The following ZNF709 variants were observed in gnomAD, a reference collection of about 807,000 sequenced individuals.
ZNF709 encodes the protein zinc finger protein 709.
Under a neutral mutation model 10.6 loss-of-function variants are expected in ZNF709, and 15 were observed. The ratio of observed to expected loss-of-function variants is 1.41; its 90% CI spans 0.95 to 2.18. The LOEUF (loss-of-function observed/expected upper bound fraction) is 2.18. ZNF709 is among the 30% of genes most tolerant of loss of function. The pLI is 0.00. For missense variants in ZNF709, 589 were observed against 774.0 expected (o/e 0.76, Z 2.84); for synonymous variants, 194 against 238.8 (o/e 0.81, Z 1.73).
intron 1 of ZNF709, among the ~76,000 whole-genome samples, chr19:12,481,533 C>A (rs1970726956): frequency 6.6e-6 from 1 of 152,196 alleles, no homozygotes; most frequent in Non-Finnish European, 1.5e-5. Context: ...AGCCACCACA[C>A]CCGGCCTGGT....
rs1568244609 is a variant in ZNF709 at position 12,463,092 on chromosome 19, T to G, written c.*904A>C. ...TTAATTTGCATCAGGCTTTCCCATA[T>G]TATCTACATTTATACAGTACCTCCC... On this transcript the variant is annotated 3_prime_UTR_variant, in exon 4 of 4. Transcript: ENST00000397732. 1 of 152,244 alleles carries G rather than the reference T, an allele frequency of 6.6e-6. No homozygotes were observed. 9.4% of individuals were successfully genotyped at this position (152,244 alleles called of 1,614,324 possible).
intron 1 of ZNF709, among the ~76,000 whole-genome samples, chr19:12,477,418 GT>G (rs1209035657): frequency 6.6e-6 from 1 of 152,156 alleles, no homozygotes; most frequent in Non-Finnish European, 1.5e-5. Flanking sequence ...TGACTCACTG[GT>G]TTAGAGTTTA....
At chr19:12,474,133 T>C (rs966443320) in intron 1 of ZNF709, among the ~76,000 whole-genome samples, 2 of 152,240 alleles carry the variant, frequency 1.3e-5, no homozygotes, top group African/African-American at 4.8e-5. Flanking sequence ...CTATGCCATA[T>C]AGTAGATCTT....
chr19:12,482,840 A>AT (rs886933969), intron 1 of ZNF709, among the ~76,000 whole-genome samples: 2 of 152,202 alleles, frequency 1.3e-5, no homozygotes, highest in African/African-American at 4.8e-5. Context: ...TGGGCCTTCG[A>AT]TTACATCCCT....
Position 12,465,433 on chromosome 19 carries a change from AGT to A in ZNF709, c.487_488del (p.Thr163TrpfsTer6). 1.2e-6 allele frequency: 2 copies of A among 1,613,064 alleles called. No individual in the cohort carries two copies. The highest frequency in any genetic ancestry group is 1.7e-6 in the Non-Finnish European group (2 of 1,179,608). ...SSFRIHERTHTGEKPYKCKQC... is the reference protein window; with the variant it reads ...SSFRIHERTHXGEKPYKCKQC... The stretch of plus-strand genomic sequence containing the variant: ...GTTTACATTTATAGGGTTTCTCTCC[AGT>A]GTGAGTTCTTTCATGTATTCGAAAT... On this transcript the variant is annotated frameshift_variant, in exon 4 of 4. Transcript: ENST00000397732. LOFTEE classifies it low-confidence loss of function (END_TRUNC).
At chr19:12,478,878 C>T (rs912612867) in intron 1 of ZNF709, among the ~76,000 whole-genome samples, 1 of 152,200 alleles carries the variant, frequency 6.6e-6, no homozygotes, top group Non-Finnish European at 1.5e-5. Flanking sequence ...AAGGGTGACG[C>T]TTATGATGTG....
chr19:12,476,028 A>G (rs2145002580), intron 1 of ZNF709, among the ~76,000 whole-genome samples: 1 of 152,360 alleles, frequency 6.6e-6, no homozygotes, highest in East Asian at 1.9e-4. Flanking sequence ...ACACAATGAA[A>G]AAAACACAAA....
rs1414899927 is a variant in ZNF709, at chr19:12,462,016, G to A, written c.*1980C>T. 2 of 152,168 alleles carry A rather than the reference G, an allele frequency of 1.3e-5. No homozygotes were observed. The highest frequency in any genetic ancestry group is 1.5e-5 in the Non-Finnish European group (1 of 68,116). The allele number at this position is 152,168 out of a possible 1,614,324, so 9.4% of individuals were successfully genotyped here. On this transcript the variant is annotated 3_prime_UTR_variant, in exon 4 of 4. Transcript: ENST00000397732. ...GAACCCAGAAGGCAGAGGTTGCAGT[G>A]AGCCAAGATCGTACCACTGCACTCC...
intron 1 of ZNF709, among the ~76,000 whole-genome samples, chr19:12,478,845 T>C (rs1028949074): frequency 1.3e-5 from 2 of 152,148 alleles, no homozygotes; most frequent in Non-Finnish European, 2.9e-5. Context: ...CTTGCCCAGG[T>C]GTGCAGCACG....
At chr19:12,479,926 G>A (rs1431150272) in intron 1 of ZNF709, among the ~76,000 whole-genome samples, 1 of 151,988 alleles carries the variant, frequency 6.6e-6, no homozygotes, top group African/African-American at 2.4e-5. Context: ...ATTTTGGTAA[G>A]CCAAGTTGAG....
intron 1 of ZNF709, among the ~76,000 whole-genome samples, chr19:12,477,444 C>T (rs371995462): frequency 1.3e-5 from 2 of 152,084 alleles, no homozygotes; most frequent in African/African-American, 4.8e-5. Context: ...TTCATTCTGG[C>T]GTATTTTAGG....
chr19:12,477,468 T>C (rs781543651), intron 1 of ZNF709, among the ~76,000 whole-genome samples: 3 of 152,154 alleles, frequency 2.0e-5, no homozygotes, highest in Non-Finnish European at 4.4e-5. Context: ...CTGGGTGCCA[T>C]GAACATGGGG....
intron 1 of ZNF709, among the ~76,000 whole-genome samples, chr19:12,474,349 T>C (rs1970659845): frequency 6.6e-6 from 1 of 152,218 alleles, no homozygotes; most frequent in South Asian, 2.1e-4. Flanking sequence ...CCATCAATGG[T>C]GTTGTCAATG....
At chr19:12,483,820 G>T (rs1970752930) in intron 1 of ZNF709, among the ~76,000 whole-genome samples, 1 of 152,120 alleles carries the variant, frequency 6.6e-6, no homozygotes. Flanking sequence ...TCTTTTCAAG[G>T]TGATAAGCCC....
chr19:12,482,156 A>AACACAC (rs34621481), intron 1 of ZNF709, among the ~76,000 whole-genome samples: 3 of 128,368 alleles, frequency 2.3e-5, no homozygotes, highest in South Asian at 5.1e-4. Context: ...CACACACACA[A>AACACAC]ACACACACAC....
Position 12,462,887 on chromosome 19 carries a change from A to G in ZNF709, c.*1109T>C, listed in dbSNP as rs1003043704. On this transcript the variant is annotated 3_prime_UTR_variant, in exon 4 of 4. Coordinates refer to ENST00000397732, the MANE Select transcript of ZNF709 (RefSeq NM_152601.4). ...TCAGAAACTGATTTAATGAAAAAAT[A>G]CTATCAATTCAACTTGTGTACAACT... 1 of 152,244 alleles carries G rather than the reference A, an allele frequency of 6.6e-6. No homozygotes were observed. The highest frequency in any genetic ancestry group is 1.5e-5 in the Non-Finnish European group (1 of 68,042). 9.4% of individuals were successfully genotyped at this position (152,244 alleles called of 1,614,324 possible).
intron 1 of ZNF709, among the ~76,000 whole-genome samples, chr19:12,481,991 AAAGGAAAGGAAG>A (rs1970731572): frequency 6.6e-6 from 1 of 150,900 alleles, no homozygotes; most frequent in African/African-American, 2.4e-5. Context: ...AGGAAGAAGG[AAAGGAAAGGAAG>A]AAGGAAAGGA....
chr19:12,465,179 C>A lies in ZNF709; in HGVS notation c.743G>T (p.Gly248Val), dbSNP rs375309574. ...SFRNHERTHS[G>V]EKPYECKQCG... ...TTGTTTACATTCATAGGGTTTCTCTCCAGAGTGAGTTCTTTCATGATTTCG... is the reference window on the plus strand; with the variant it reads ...TTGTTTACATTCATAGGGTTTCTCTACAGAGTGAGTTCTTTCATGATTTCG... The change falls in exon 4 of 4, where the codon GGA (glycine) becomes GTA (valine). Residue 248 changes from glycine (G) to valine (V), a missense_variant. Transcript: ENST00000397732. 6 of 1,613,814 alleles carry A rather than the reference C, an allele frequency of 3.7e-6. No homozygotes were observed. In the African/African-American group the frequency reaches 8.0e-5, roughly 22 times the overall value.
chr19:12,482,207 T>TCTCTCC (rs893690786), intron 1 of ZNF709, among the ~76,000 whole-genome samples: 3 of 151,384 alleles, frequency 2.0e-5, no homozygotes, highest in South Asian at 2.1e-4. Context: ...TCTCCCTCTC[T>TCTCTCC]CTCTCCCTCT....
Sources: gnomAD v4.1 joint callset for allele counts (sites outside exome capture counted in the v4.1 genomes callset) on GRCh38, gnomAD v4.1.1 for gene constraint, MANE v1.5 for transcripts, NCBI Gene and HGNC (gene_info 2026-07-23, HGNC 2026-07-21) for gene names.